The following DISC1 variants were observed in gnomAD, a reference collection of about 807,000 sequenced individuals.
The protein encoded by DISC1 is DISC1 scaffold protein.
A neutral mutation model predicts 84.5 loss-of-function variants in DISC1; 57 were observed. That is an observed-to-expected ratio of 0.67 (90% CI 0.55 to 0.84). DISC1 has a LOEUF of 0.84. Among genes scored for constraint, DISC1 ranks in the 40% least tolerant of loss-of-function variants. The pLI is 0.00. For synonymous variants in DISC1, 411 were observed against 415.2 expected, an observed-to-expected ratio of 0.99 and a Z score of 0.12; for missense variants, 1,000 against 1,057.8, an observed-to-expected ratio of 0.95 and a Z score of 0.76.
chr1:231,704,863 C>T (rs1294153834), intron 3 of DISC1, among the ~76,000 whole-genome samples: 2 of 150,632 alleles, frequency 1.3e-5, no homozygotes, highest in Admixed American at 6.6e-5. Context: ...GCGCATACTG[C>T]GAGCCTGTGA....
At position 231,939,451 on chromosome 1, in the gene DISC1, G is replaced by A. The variant is rs563282611; in HGVS notation, c.1982-19377G>A. Among the ~76,000 whole-genome samples, 6 of 152,244 alleles carry A rather than the reference G, an allele frequency of 3.9e-5. No homozygotes were observed. The East Asian group carries it at 5.8e-4, about 15-fold the overall frequency. ...TCTGTAATGAACTAAGAAAGTGGCC[G>A]TATCATTCTCCTTTGTAGGGCCCTT... On this transcript the variant is annotated intron_variant, in intron 9 of 12. Coordinates refer to ENST00000439617, the MANE Select transcript of DISC1 (RefSeq NM_018662.3).
chr1:231,776,908 G>C (rs1435169792), intron 6 of DISC1, among the ~76,000 whole-genome samples: 1 of 152,120 alleles, frequency 6.6e-6, no homozygotes, highest in African/African-American at 2.4e-5. Flanking sequence ...GTGTGGGAGG[G>C]GTCCCATTAA....
intron 9 of DISC1, chr1:231,855,227 C>T (rs980875128): frequency 1.0e-6 from 1 of 1,001,500 alleles, no homozygotes; most frequent in African/African-American, 1.7e-5. Flanking sequence ...TCTTTGTTCA[C>T]TTTACACTGT....
intron 3 of DISC1, among the ~76,000 whole-genome samples, chr1:231,747,911 C>A (rs944415979): frequency 6.6e-6 from 1 of 152,120 alleles, no homozygotes; most frequent in Non-Finnish European, 1.5e-5. Context: ...CAATTTCTTT[C>A]ATCAATGGTT....
intron 8 of DISC1, among the ~76,000 whole-genome samples, chr1:231,807,054 C>T (rs144017520): frequency 6.6e-5 from 10 of 152,254 alleles, no homozygotes; most frequent in African/African-American, 2.4e-4. Context: ...CATGCCATGC[C>T]TGCCTTCCCA....
At chr1:231,751,014 A>G (rs1250172423) in intron 4 of DISC1, among the ~76,000 whole-genome samples, 1 of 152,244 alleles carries the variant, frequency 6.6e-6, no homozygotes, top group Non-Finnish European at 1.5e-5. Context: ...AATTACTTTC[A>G]GTTTTGCCAG....
intron 9 of DISC1, among the ~76,000 whole-genome samples, chr1:231,880,890 C>G (rs1346927291): frequency 6.6e-6 from 1 of 152,150 alleles, no homozygotes; most frequent in African/African-American, 2.4e-5. Flanking sequence ...ATAGGAAAAA[C>G]TTAACGTTTC....
At chr1:231,708,301 C>A (rs1156935462) in intron 3 of DISC1, among the ~76,000 whole-genome samples, 1 of 152,184 alleles carries the variant, frequency 6.6e-6, no homozygotes, top group Non-Finnish European at 1.5e-5. Context: ...AGAAGGCAAA[C>A]TGGTCTCTCT....
intron 7 of DISC1, among the ~76,000 whole-genome samples, chr1:231,798,842 G>C (rs371883974): frequency 6.6e-6 from 1 of 152,166 alleles, no homozygotes; most frequent in Admixed American, 6.6e-5. Context: ...AAGTCCATGA[G>C]AGAAAGAGTG....
At chr1:231,982,218 C>A (rs548906710) in intron 10 of DISC1, among the ~76,000 whole-genome samples, 3 of 151,976 alleles carry the variant, frequency 2.0e-5, no homozygotes, top group Non-Finnish European at 4.4e-5. Context: ...TTTTAAGCGT[C>A]GGTGATTGTG....
intron 10 of DISC1, among the ~76,000 whole-genome samples, chr1:231,991,448 A>T (rs922605018): frequency 2.6e-5 from 4 of 152,148 alleles, no homozygotes; most frequent in Non-Finnish European, 4.4e-5. Context: ...GGCTGCCCTT[A>T]GTGTGGCATG....
intron 10 of DISC1, among the ~76,000 whole-genome samples, chr1:231,978,470 A>G (rs143928614): frequency 6.6e-6 from 1 of 152,338 alleles, no homozygotes; most frequent in East Asian, 1.9e-4. Context: ...AATTTATGAA[A>G]GAAAGACAGG....
chr1:231,735,119 C>CA (rs2072306316), intron 3 of DISC1, among the ~76,000 whole-genome samples: 1 of 152,180 alleles, frequency 6.6e-6, no homozygotes. Context: ...TAAAGTCACT[C>CA]AAAATCACAC....
intron 1 of DISC1, among the ~76,000 whole-genome samples, chr1:231,686,961 C>T (rs1311916016): frequency 6.6e-6 from 1 of 152,182 alleles, no homozygotes; most frequent in Non-Finnish European, 1.5e-5. Context: ...TTTGCTAAAA[C>T]ATAACAAGAG....
intron 9 of DISC1, among the ~76,000 whole-genome samples, chr1:231,881,755 C>CA (rs1300340426): frequency 1.2e-5 from 1 of 81,994 alleles, no homozygotes; most frequent in African/African-American, 4.2e-5. Context: ...GCCGATCAGT[C>CA]AAAGTTTCCA....
chr1:231,914,430 A>T (rs924683026), intron 9 of DISC1, among the ~76,000 whole-genome samples: 5 of 152,150 alleles, frequency 3.3e-5, no homozygotes, highest in Admixed American at 6.5e-5. Context: ...GAGAATATCT[A>T]TTGGGTGGTT....
At chr1:231,873,892 A>AGGC (rs2085650886) in intron 9 of DISC1, among the ~76,000 whole-genome samples, 1 of 152,038 alleles carries the variant, frequency 6.6e-6, no homozygotes, top group Non-Finnish European at 1.5e-5. Flanking sequence ...CCCAGGCTGA[A>AGGC]TGCTGAAGTG....
intron 1 of DISC1, among the ~76,000 whole-genome samples, chr1:231,677,164 A>G (rs2063234877): frequency 6.6e-6 from 1 of 152,204 alleles, no homozygotes; most frequent in South Asian, 2.1e-4. Flanking sequence ...TTTTCCTGAT[A>G]GTTTGTAAAC....
At chr1:231,839,074 G>GCCTT (rs2082834568) in intron 9 of DISC1, among the ~76,000 whole-genome samples, 1 of 152,190 alleles carries the variant, frequency 6.6e-6, no homozygotes, top group Non-Finnish European at 1.5e-5. Context: ...AACCAAGGAT[G>GCCTT]CCTTCGAGGA....
Sources: gnomAD v4.1 joint callset for allele counts (sites outside exome capture counted in the v4.1 genomes callset) on GRCh38, gnomAD v4.1.1 for gene constraint, MANE v1.5 for transcripts, NCBI Gene and HGNC (gene_info 2026-07-23, HGNC 2026-07-21) for gene names.